RYR2: variants seen among roughly 807,000 people sequenced by gnomAD.
RYR2 encodes cardiac muscle ryanodine receptor-calcium release channel.
Under a neutral mutation model 601.1 loss-of-function variants are expected in RYR2, and 227 were observed. That is an observed-to-expected ratio of 0.38 (90% CI 0.34 to 0.42). The LOEUF (loss-of-function observed/expected upper bound fraction) is 0.42. RYR2 is among the 10% of genes least tolerant of loss of function. The pLI, the probability that RYR2 is intolerant of heterozygous loss-of-function variation, is 1.00. For missense variants in RYR2, 4,646 were observed against 6,156.5 expected (o/e 0.75, Z 8.21); for synonymous variants, 2,223 against 2,175.1 (o/e 1.02, Z -0.61).
At position 237,610,685 on chromosome 1, in the gene RYR2, G is replaced by A. The variant is rs1300754428; in HGVS notation, c.4684-77G>A. 2.6e-6 allele frequency: 3 copies of A among 1,166,844 alleles called. No individual in the cohort carries two copies. The highest frequency in any genetic ancestry group is 2.9e-5 in the South Asian group (2 of 68,752). The allele number at this position is 1,166,844 out of a possible 1,614,324, so 72.3% of individuals were successfully genotyped here. On this transcript the variant is annotated intron_variant, in intron 35 of 104. Transcript: ENST00000366574. This position sits in a 1 kb window ranked among gnomAD's most constrained non-coding sequence, Gnocchi z 4.9. The stretch of plus-strand genomic sequence containing the variant: ...CTTACTTTCCCTGTCTCTGTCCTGT[G>A]CAGAATTCTAGTCATTACTTTGTGA...
intron 13 of RYR2, among the ~76,000 whole-genome samples, chr1:237,444,327 A>T (rs960665888): frequency 2.6e-5 from 4 of 152,206 alleles, no homozygotes; most frequent in African/African-American, 9.6e-5. Flanking sequence ...CTTTCATTTT[A>T]GTCATTCTTT....
At chr1:237,278,073 GTTGTT>G (rs1438553809) in intron 2 of RYR2, among the ~76,000 whole-genome samples, 3 of 151,426 alleles carry the variant, frequency 2.0e-5, no homozygotes, top group African/African-American at 7.3e-5. Context: ...TTTTGTTATT[GTTGTT>G]TTGTTTTTTT....
At chr1:237,389,055 A>C (rs1160068293) in intron 10 of RYR2, among the ~76,000 whole-genome samples, 1 of 152,142 alleles carries the variant, frequency 6.6e-6, no homozygotes, top group Non-Finnish European at 1.5e-5. Context: ...CTGGGTCTTA[A>C]CCTCTGTTCC....
chr1:237,652,753 A>T (rs951707677), intron 51 of RYR2, among the ~76,000 whole-genome samples: 2 of 152,216 alleles, frequency 1.3e-5, no homozygotes, highest in Admixed American at 1.3e-4. Flanking sequence ...AAAAAGATAC[A>T]GTCTCATGCT....
chr1:237,355,894 A>G, intron 3 of RYR2, 71 bp from the exon 4 acceptor site: 1 of 1,338,072 alleles, frequency 7.5e-7, no homozygotes, highest in Non-Finnish European at 1.0e-6. Flanking sequence ...CAATTCATTT[A>G]AATGACAGTA....
At chr1:237,171,233 CAA>C (rs58587774) in intron 1 of RYR2, among the ~76,000 whole-genome samples, 72 of 141,670 alleles carry the variant, frequency 5.1e-4, no homozygotes, top group African/African-American at 4.9e-4. Context: ...GACTCCATCT[CAA>C]AAAAAAAAAA....
chr1:237,493,981 T>C (rs1367691610), intron 19 of RYR2, among the ~76,000 whole-genome samples: 1 of 152,132 alleles, frequency 6.6e-6, no homozygotes, highest in Non-Finnish European at 1.5e-5. Flanking sequence ...TCACATTTTA[T>C]AGACGAAAAA....
chr1:237,453,290 A>G (rs1658424133), intron 14 of RYR2, among the ~76,000 whole-genome samples: 1 of 152,130 alleles, frequency 6.6e-6, no homozygotes, highest in African/African-American at 2.4e-5. Flanking sequence ...CAAAAACTTT[A>G]AAATAGTTGT....
At chr1:237,586,820 A>G (rs1236946890) in intron 29 of RYR2, among the ~76,000 whole-genome samples, 1 of 152,058 alleles carries the variant, frequency 6.6e-6, no homozygotes, top group Non-Finnish European at 1.5e-5. Context: ...CCCAGGTTCA[A>G]GAGATTCTCC....
intron 8 of RYR2, among the ~76,000 whole-genome samples, chr1:237,379,257 C>T (rs771845557): frequency 1.2e-4 from 19 of 152,116 alleles, no homozygotes; most frequent in East Asian, 3.8e-4. Flanking sequence ...ACTTCCGCTA[C>T]GTATCAGAGT....
intron 24 of RYR2, among the ~76,000 whole-genome samples, chr1:237,512,572 T>G (rs983114687): frequency 6.6e-6 from 1 of 152,158 alleles, no homozygotes; most frequent in African/African-American, 2.4e-5. Context: ...TTGTTTTAGT[T>G]TTTTAAGGAG....
chr1:237,614,623 G>C lies in RYR2; in HGVS notation c.5495G>C (p.Gly1832Ala). 3.1e-6 allele frequency: 5 copies of C among 1,614,036 alleles called. No individual in the cohort carries two copies. The highest frequency in any genetic ancestry group is 4.2e-6 in the Non-Finnish European group (5 of 1,179,896). Residue 1832 changes from glycine (G) to alanine (A), a missense_variant, in exon 37 of 105, where the codon GGC becomes GCC. Physicochemically the swap from Gly to Ala is moderately conservative, Grantham distance 60. Transcript: ENST00000366574. This position sits in a 1 kb window ranked among gnomAD's most constrained non-coding sequence, Gnocchi z 4.3. ...CTTTTCTATACCCTGCTGATCATGG[G>C]CATCTTTCACAACGAGGACTTGAAG... Reference protein sequence around the residue: ...IKLFYTLLIMGIFHNEDLKHI... With the variant: ...IKLFYTLLIMAIFHNEDLKHI...
At chr1:237,219,427 C>T (rs1683552781) in intron 1 of RYR2, among the ~76,000 whole-genome samples, 1 of 152,214 alleles carries the variant, frequency 6.6e-6, no homozygotes, top group Non-Finnish European at 1.5e-5. Context: ...TCCATTTCTT[C>T]TTGTGGCTCT....
At chr1:237,428,135 G>A (rs941829386) in intron 12 of RYR2, among the ~76,000 whole-genome samples, 23 of 152,272 alleles carry the variant, frequency 1.5e-4, no homozygotes, top group Admixed American at 8.5e-4. Context: ...AAACAGGAAC[G>A]CTTTTACATT....
Position 237,500,759 on chromosome 1 carries a change from C to T in RYR2, c.2252C>T (p.Thr751Ile), listed in dbSNP as rs1664550145. The part of the protein sequence containing the change: ...VSSPNQHLLR[T>I]DDVISCCLDL... ...TCACCAAACCAACATCTGTTAAGAA[C>T]TGATGATGTCATCAGTTGCTGTTTA... The change falls in exon 21 of 105, where the codon ACT (threonine) becomes ATT (isoleucine). Residue 751 changes from threonine (T) to isoleucine (I), a missense_variant. Thr to Ile is a moderately conservative substitution (Grantham distance 89). Around this residue, in one of 17 missense-constraint regions of RYR2, gnomAD observed 1,807 missense variants for 2,088.1 expected, o/e 0.87. Coordinates refer to ENST00000366574, the MANE Select transcript of RYR2 (RefSeq NM_001035.3). 1.2e-6 allele frequency: 2 copies of T among 1,613,934 alleles called. No individual in the cohort carries two copies. The highest frequency in any genetic ancestry group is 1.7e-6 in the Non-Finnish European group (2 of 1,179,850).
intron 1 of RYR2, among the ~76,000 whole-genome samples, chr1:237,141,628 G>A (rs946471073): frequency 1.1e-4 from 16 of 152,216 alleles, no homozygotes; most frequent in Non-Finnish European, 8.8e-5. Flanking sequence ...CTTGGCAAGC[G>A]GATGAGTTTA....
intron 54 of RYR2, 121 bp downstream of exon 54, chr1:237,658,143 ATACT>A: frequency 2.1e-6 from 1 of 486,636 alleles, no homozygotes; most frequent in Non-Finnish European, 3.6e-6. Flanking sequence ...TTAGGAAAAA[ATACT>A]TAATTACAAT....
intron 70 of RYR2, among the ~76,000 whole-genome samples, chr1:237,711,111 A>G (rs1251827252): frequency 6.6e-6 from 1 of 152,208 alleles, no homozygotes; most frequent in East Asian, 1.9e-4. Flanking sequence ...AAAGTTTGGA[A>G]CAAGAGTATT....
chr1:237,159,808 T>C (rs1675810050), intron 1 of RYR2, among the ~76,000 whole-genome samples: 1 of 152,194 alleles, frequency 6.6e-6, no homozygotes, highest in Non-Finnish European at 1.5e-5. Flanking sequence ...AAATAAAACA[T>C]ACAAATCTGA....
Sources: allele counts gnomAD v4.1 joint callset (sites outside exome capture counted in the v4.1 genomes callset), GRCh38; gene constraint gnomAD v4.1.1; regional missense constraint gnomAD v4.1.1; non-coding constraint Gnocchi (gnomAD v3.1); transcripts MANE v1.5; gene names NCBI Gene and HGNC (gene_info 2026-07-23, HGNC 2026-07-21).